Variants in ARPC1B observed in about 807,000 individuals in gnomAD.
ARPC1B encodes actin-related protein 2/3 complex subunit 1B.
ARPC1B carries 29 observed loss-of-function variants against 46.0 expected under a neutral mutation model. The observed-to-expected ratio is 0.63, with a 90% CI of 0.47 to 0.86. The LOEUF is 0.86. ARPC1B is among the 40% of genes least tolerant of loss of function. The pLI, the probability that ARPC1B is intolerant of heterozygous loss-of-function variation, is 0.00. For missense variants in ARPC1B, 469 were observed against 529.4 expected (o/e 0.89, Z 1.12); for synonymous variants, 201 against 213.9 (o/e 0.94, Z 0.53).
rs35192470 is a variant in ARPC1B, at chr7:99,387,736, CAAA to C, written c.170-283_170-281del. Among the ~76,000 whole-genome samples the C allele has an allele frequency of 1.1e-3, 68 of 61,410 alleles. 1 individual carries two copies. The highest frequency in any genetic ancestry group is 2.1e-3 in the African/African-American group (35 of 16,508). 40.3% of individuals were successfully genotyped at this position (61,410 alleles called of 152,430 possible). ...TGGGCGGCTGAGCGAGACTCTGTCT[CAAA>C]AAAAAAAAAAAAAAAAAAAGATTGG... On this transcript the variant is annotated intron_variant, in intron 3 of 9. Transcript: ENST00000646101.
chr7:99,390,208 G>A (rs1250515929), intron 5 of ARPC1B, among the ~76,000 whole-genome samples, 196 bp downstream of exon 5: 2 of 152,280 alleles, frequency 1.3e-5, no homozygotes, highest in Admixed American at 1.3e-4. Context: ...ATGGGCCTCT[G>A]CCCACCTCTT....
intron 4 of ARPC1B, 58 bp downstream of exon 4, chr7:99,388,319 G>T (rs1794462265): frequency 6.4e-7 from 1 of 1,555,300 alleles, no homozygotes; most frequent in Middle Eastern, 1.7e-4. Context: ...GGACTAGAGT[G>T]TCCCCGGGAA....
chr7:99,375,873 C>G (rs1794019559), intron 1 of ARPC1B, among the ~76,000 whole-genome samples: 1 of 152,114 alleles, frequency 6.6e-6, no homozygotes, highest in African/African-American at 2.4e-5. Context: ...ACTAGCCTGA[C>G]CGACATGGTG....
In ARPC1B at chr7:99,374,884, G is replaced by A. The variant is rs1437879151; in HGVS notation, c.-14+103G>A. On this transcript the variant is annotated intron_variant, in intron 1 of 9. Coordinates refer to ENST00000646101, the MANE Select transcript of ARPC1B (RefSeq NM_005720.4). This position sits in a 1 kb window ranked among gnomAD's most constrained non-coding sequence, Gnocchi z 5.0. ...CCGCCTGGGAGTGAGCGGGACTGGAGGGATGAGAGGGGGTGCAAGGAGGGG... is the reference window on the plus strand; with the variant it reads ...CCGCCTGGGAGTGAGCGGGACTGGAAGGATGAGAGGGGGTGCAAGGAGGGG... 6.6e-6 allele frequency: 1 copy of A among 152,356 alleles called. No individual in the cohort carries two copies. The highest frequency in any genetic ancestry group is 1.5e-5 in the Non-Finnish European group (1 of 68,238). The allele number at this position is 152,356 out of a possible 1,614,324, so 9.4% of individuals were successfully genotyped here. A position where few individuals can be genotyped will look rare whatever the true frequency, so the allele number is the denominator to read the frequency against.
chr7:99,392,921 G>T, intron 8 of ARPC1B, 45 bp downstream of exon 8: 1 of 1,496,638 alleles, frequency 6.7e-7, no homozygotes, highest in South Asian at 1.3e-5. Context: ...GCCTCGGCTC[G>T]CCCAGAAACA....
chr7:99,392,975 T>C, intron 8 of ARPC1B, 99 bp downstream of exon 8: 1 of 1,271,388 alleles, frequency 7.9e-7, no homozygotes, highest in South Asian at 1.5e-5. Flanking sequence ...CCTGGGGCAT[T>C]GTGCTGGGAC....
intron 2 of ARPC1B, 185 bp from the exon 3 acceptor site, chr7:99,386,500 A>G: frequency 1.4e-6 from 1 of 694,788 alleles, no homozygotes; most frequent in Non-Finnish European, 2.6e-6. Context: ...AAGGACAGCC[A>G]GTTCCAGGAG....
intron 1 of ARPC1B, among the ~76,000 whole-genome samples, chr7:99,376,061 C>CAAA (rs1055447800): frequency 1.2e-4 from 12 of 96,212 alleles, no homozygotes; most frequent in African/African-American, 3.4e-4. Flanking sequence ...GACTCCGTCT[C>CAAA]AAAAAAAAAA....
chr7:99,392,360 G>C (rs1395632089), intron 7 of ARPC1B, among the ~76,000 whole-genome samples: 2 of 152,174 alleles, frequency 1.3e-5, no homozygotes, highest in African/African-American at 4.8e-5. Flanking sequence ...CCAGGGCCAG[G>C]TCAGGCTTGC....
chr7:99,389,879 CCT>C (rs768487227), intron 4 of ARPC1B, 24 bp from the exon 5 acceptor site: 18 of 1,598,120 alleles, frequency 1.1e-5, no homozygotes, highest in Admixed American at 3.3e-5. Flanking sequence ...TCCCTCTCTC[CCT>C]GTCTGCCTGA....
intron 4 of ARPC1B, chr7:99,389,666 A>G: frequency 2.0e-6 from 1 of 493,688 alleles, no homozygotes. Context: ...GCCTGCTCTG[A>G]GGGTGACTGT....
At chr7:99,379,277 C>T (rs754414847) in intron 1 of ARPC1B, among the ~76,000 whole-genome samples, 1 of 152,062 alleles carries the variant, frequency 6.6e-6, no homozygotes, top group Non-Finnish European at 1.5e-5. Context: ...TGGTACCTTA[C>T]GATTGTTTTC....
At chr7:99,386,633 C>A in intron 2 of ARPC1B, 52 bp from the exon 3 acceptor site, 1 of 1,336,982 alleles carries the variant, frequency 7.5e-7, no homozygotes, top group East Asian at 2.3e-5. Context: ...TGTGTCCTGG[C>A]AGAGGGCAGT....
chr7:99,385,899 TC>T, intron 2 of ARPC1B, 121 bp downstream of exon 2: 3 of 1,019,716 alleles, frequency 2.9e-6, no homozygotes, highest in Non-Finnish European at 4.3e-6. Context: ...CATGTGGCTG[TC>T]CCCTGGCCTC....
At chr7:99,376,785 G>A (rs753370313) in intron 1 of ARPC1B, among the ~76,000 whole-genome samples, 16 of 151,452 alleles carry the variant, frequency 1.1e-4, no homozygotes, top group Non-Finnish European at 2.2e-4. Context: ...CAGGAGAATC[G>A]CTAGAACCTG....
At chr7:99,393,950 G>T in intron 8 of ARPC1B, 79 bp from the exon 9 acceptor site, 1 of 1,449,676 alleles carries the variant, frequency 6.9e-7, no homozygotes, top group Non-Finnish European at 9.6e-7. Flanking sequence ...AAGAAGTCTG[G>T]GAGCGCCTGG....
chr7:99,377,229 C>T (rs1211199046), intron 1 of ARPC1B: 1 of 152,056 alleles, frequency 6.6e-6, no homozygotes, highest in African/African-American at 2.4e-5. Flanking sequence ...AAACTCCTGG[C>T]CTTAAGCGAT....
At chr7:99,385,195 A>G (rs1794348985) in intron 1 of ARPC1B, among the ~76,000 whole-genome samples, 1 of 148,694 alleles carries the variant, frequency 6.7e-6, no homozygotes, top group Non-Finnish European at 1.5e-5. Context: ...GCCGCAAGTG[A>G]TCCGCCTGCC....
intron 1 of ARPC1B, among the ~76,000 whole-genome samples, chr7:99,384,532 A>T (rs1341981099): frequency 6.6e-6 from 1 of 152,124 alleles, no homozygotes; most frequent in Admixed American, 6.6e-5. Flanking sequence ...TGGGCCACAG[A>T]GAGAGACCCT....
Sources: allele counts gnomAD v4.1 joint callset (sites outside exome capture counted in the v4.1 genomes callset), GRCh38; gene constraint gnomAD v4.1.1; non-coding constraint Gnocchi (gnomAD v3.1); transcripts MANE v1.5; gene names NCBI Gene and HGNC (gene_info 2026-07-23, HGNC 2026-07-21).